Variants in FXR1 observed in about 807,000 individuals in gnomAD.
FXR1 encodes RNA-binding protein FXR1.
In FXR1, 15 loss-of-function variants were observed where a neutral mutation model predicts 84.0. That is an observed-to-expected ratio of 0.18 (90% CI 0.12 to 0.27). FXR1 has a LOEUF of 0.27. Among genes scored for constraint, FXR1 ranks in the 10% least tolerant of loss-of-function variants. FXR1 has a pLI of 1.00. For synonymous variants in FXR1, 245 were observed against 250.7 expected (o/e 0.98, Z 0.21); for missense variants, 480 against 774.4 (o/e 0.62, Z 4.51).
chr3:180,925,992 C>T (rs911592142), intron 1 of FXR1, among the ~76,000 whole-genome samples: 3 of 152,072 alleles, frequency 2.0e-5, no homozygotes, highest in Admixed American at 2.0e-4. Context: ...ACAAACAGCC[C>T]AGTGTCTCTA....
At chr3:180,926,506 A>ATATATTTT (rs72192827) in intron 1 of FXR1, among the ~76,000 whole-genome samples, 184 of 124,326 alleles carry the variant, frequency 1.5e-3, no homozygotes, top group South Asian at 2.4e-3. Context: ...ATATATATAT[A>ATATATTTT]TTTTTTTTTC....
rs1387594013 is a variant in FXR1, at chr3:180,978,804, G to GT, written c.*2513dup. Reference sequence around the variant, plus strand: ...TATGACACCTGAACGGAATCATGAAGTAACAGCTGAGATTATATGGTGGCA... The same window carrying GT: ...TATGACACCTGAACGGAATCATGAAGTTAACAGCTGAGATTATATGGTGGCA... On this transcript the variant is annotated 3_prime_UTR_variant, in exon 17 of 17. Coordinates refer to ENST00000357559, the MANE Select transcript of FXR1 (RefSeq NM_005087.4). 6.6e-6 allele frequency: 1 copy of GT among 152,060 alleles called. No homozygotes were observed. The highest frequency in any genetic ancestry group is 2.4e-5 in the African/African-American group (1 of 41,428). The allele number at this position is 152,060 out of a possible 1,614,324, so 9.4% of individuals were successfully genotyped here. A position where few individuals can be genotyped will look rare whatever the true frequency, so the allele number is the denominator to read the frequency against.
chr3:180,964,258 GACAGTTA>G (rs1185811005), intron 13 of FXR1, among the ~76,000 whole-genome samples: 1 of 152,134 alleles, frequency 6.6e-6, no homozygotes. Context: ...TAATGCAAAA[GACAGTTA>G]ACCAGTAATC....
At chr3:180,926,438 C>G (rs1157465373) in intron 1 of FXR1, among the ~76,000 whole-genome samples, 1 of 144,518 alleles carries the variant, frequency 6.9e-6, no homozygotes, top group African/African-American at 2.5e-5. Context: ...TTGGGTTAAG[C>G]CAAGGGTAGT....
chr3:180,926,546 AAG>A (rs1719250443), intron 1 of FXR1, among the ~76,000 whole-genome samples: 1 of 148,232 alleles, frequency 6.7e-6, no homozygotes, highest in African/African-American at 2.5e-5. Context: ...AAAAAGAAAA[AAG>A]GCAGTTTGTT....
chr3:180,974,844 A>C lies in FXR1; in HGVS notation c.1604-469A>C, dbSNP rs575235878. Reference sequence around the variant, plus strand: ...ATATCTTAATTGTGCTTTAAAAAAAAACACACACACACATTTGAGTAAATA... The same window carrying C: ...ATATCTTAATTGTGCTTTAAAAAAACACACACACACACATTTGAGTAAATA... On this transcript the variant is annotated intron_variant, in intron 15 of 16. Coordinates refer to ENST00000357559, the MANE Select transcript of FXR1 (RefSeq NM_005087.4). Among the ~76,000 whole-genome samples the C allele has an allele frequency of 3.0e-4, 46 of 152,204 alleles. 1 individual carries two copies. Among genetic ancestry groups the C allele is most frequent in the African/African-American group, 6.5e-4 (27 of 41,536 alleles).
chr3:180,976,081 T>C (rs752876003), intron 16 of FXR1, 41 bp from the exon 17 acceptor site: 3 of 1,518,076 alleles, frequency 2.0e-6, no homozygotes, highest in Admixed American at 2.0e-5. Context: ...GCTATAGATT[T>C]CATTTATAAA....
At chr3:180,940,152 G>A (rs1342819201) in intron 3 of FXR1, among the ~76,000 whole-genome samples, 2 of 152,130 alleles carry the variant, frequency 1.3e-5, no homozygotes, top group African/African-American at 4.8e-5. Context: ...TTTTGAAAAG[G>A]TCTAAAATGG....
intron 3 of FXR1, among the ~76,000 whole-genome samples, chr3:180,938,442 AT>A (rs552755673): frequency 1.1e-4 from 17 of 152,204 alleles, no homozygotes; most frequent in Non-Finnish European, 2.4e-4. Context: ...CATCACTTAA[AT>A]TAGTTGGTTG....
At chr3:180,941,002 G>C (rs1173514973) in intron 3 of FXR1, among the ~76,000 whole-genome samples, 1 of 152,100 alleles carries the variant, frequency 6.6e-6, no homozygotes, top group East Asian at 1.9e-4. Flanking sequence ...GCAAGTTTTT[G>C]TTCTTGTGGC....
chr3:180,918,859 C>G (rs1424676062), intron 1 of FXR1, among the ~76,000 whole-genome samples: 5 of 152,168 alleles, frequency 3.3e-5, no homozygotes, highest in Non-Finnish European at 1.5e-5. Flanking sequence ...TTAATCCTTT[C>G]AACCACAGTG....
chr3:180,917,002 T>A (rs1310917281), intron 1 of FXR1, among the ~76,000 whole-genome samples: 1 of 151,996 alleles, frequency 6.6e-6, no homozygotes, highest in African/African-American at 2.4e-5. Context: ...GCCCAGCTAA[T>A]TTTTTGTATT....
In FXR1 at chr3:180,949,017, AT is replaced by A. The variant is rs1721956906; in HGVS notation, c.514-205del. Among the ~76,000 whole-genome samples, 4 of 152,186 alleles carry A rather than the reference AT, an allele frequency of 2.6e-5. No individual in the cohort carries two copies. In the South Asian group the frequency reaches 8.3e-4, roughly 31 times the overall value. ...AAATTCTTAATGTGTGAGATTCCGG[AT>A]TTTTCCCCAATCAAACATATTCTGA... On this transcript the variant is annotated intron_variant, in intron 6 of 16. Coordinates refer to ENST00000357559, the MANE Select transcript of FXR1 (RefSeq NM_005087.4).
intron 3 of FXR1, among the ~76,000 whole-genome samples, chr3:180,941,510 T>G (rs960992886): frequency 6.6e-6 from 1 of 152,188 alleles, no homozygotes; most frequent in Non-Finnish European, 1.5e-5. Context: ...ATAAAAGATA[T>G]ACATGGATTA....
At chr3:180,960,578 A>C (rs1560013182) in intron 10 of FXR1, among the ~76,000 whole-genome samples, 1 of 151,934 alleles carries the variant, frequency 6.6e-6, no homozygotes, top group African/African-American at 2.4e-5. Context: ...CTATCTTCCT[A>C]CCTCAGCCTC....
intron 1 of FXR1, among the ~76,000 whole-genome samples, chr3:180,920,313 A>G (rs999555741): frequency 1.3e-5 from 2 of 152,180 alleles, no homozygotes; most frequent in South Asian, 4.1e-4. Flanking sequence ...CCCTCAGTGT[A>G]TATTTGTTGA....
intron 1 of FXR1, among the ~76,000 whole-genome samples, chr3:180,917,983 C>A (rs1387176682): frequency 6.8e-6 from 1 of 147,426 alleles, no homozygotes; most frequent in East Asian, 2.0e-4. Context: ...AATTTAAATG[C>A]ATATATTTCT....
At chr3:180,945,899 C>G (rs891798327) in intron 3 of FXR1, among the ~76,000 whole-genome samples, 2 of 88,226 alleles carry the variant, frequency 2.3e-5, no homozygotes, top group African/African-American at 1.0e-4. Context: ...AGAAATACAT[C>G]GTTTGAGAAA....
In FXR1 at chr3:180,980,878, T is replaced by G. The variant is rs150037153; in HGVS notation, c.*4586T>G. ...TTAACTGGTACTCAAGGTTACTCAT[T>G]CCAGGATACTTTACATAACCAAAAA... is the stretch of plus-strand genomic sequence containing the variant. On this transcript the variant is annotated 3_prime_UTR_variant, in exon 17 of 17. Coordinates refer to ENST00000357559, the MANE Select transcript of FXR1 (RefSeq NM_005087.4). The G allele has an allele frequency of 5.5e-4, 83 of 152,112 alleles. 1 individual carries two copies. Among genetic ancestry groups the G allele is most frequent in the African/African-American group, 1.9e-3 (78 of 41,526 alleles). The allele number at this position is 152,112 out of a possible 1,614,324, so 9.4% of individuals were successfully genotyped here.
Sources: allele counts gnomAD v4.1 joint callset (sites outside exome capture counted in the v4.1 genomes callset), GRCh38; gene constraint gnomAD v4.1.1; transcripts MANE v1.5; gene names NCBI Gene and HGNC (gene_info 2026-07-23, HGNC 2026-07-21).